GON4L: variants seen among roughly 807,000 people sequenced by gnomAD.
The protein encoded by GON4L is GON-4-like protein.
In GON4L, 87 loss-of-function variants were observed where a neutral mutation model predicts 211.8. That is an observed-to-expected ratio of 0.41 (90% confidence interval 0.35 to 0.49). The LOEUF (loss-of-function observed/expected upper bound fraction) is 0.49, where lower values mean the gene tolerates loss of function less well. Among genes scored for constraint, GON4L ranks in the 20% least tolerant of loss-of-function variants. The pLI, the probability that GON4L is intolerant of heterozygous loss-of-function variation, is 0.15. For missense variants in GON4L, 2,155 were observed against 2,659.5 expected, an observed-to-expected ratio of 0.81 and a Z score of 4.17; for synonymous variants, 875 against 962.6, an observed-to-expected ratio of 0.91 and a Z score of 1.68.
In GON4L at chr1:155,752,186, C is replaced by T; in HGVS notation, c.6247G>A (p.Ala2083Thr). 6.2e-7 allele frequency: 1 copy of T among 1,613,696 alleles called. No individual in the cohort carries two copies. Among genetic ancestry groups the T allele is most frequent in the Non-Finnish European group, 8.5e-7 (1 of 1,179,708 alleles). ...GTCCTGTCTCTTGTCTTCACCCGAG[C>T]TCTGCTTGAGGGCAGCCATCTCTCT... ...TQERWLPSSRARVKTRDRTCP... is the reference protein window; with the variant it reads ...TQERWLPSSRTRVKTRDRTCP... Residue 2083 changes from alanine (A) to threonine (T), a missense_variant, in exon 30 of 32, where the codon GCT becomes ACT. Coordinates refer to ENST00000368331, the MANE Select transcript of GON4L (RefSeq NM_001282860.2).
In GON4L at chr1:155,752,408, C is replaced by T; in HGVS notation, c.6025G>A (p.Ala2009Thr). 1 of 1,580,494 alleles carries T rather than the reference C, an allele frequency of 6.3e-7. No individual in the cohort carries two copies. The highest frequency in any genetic ancestry group is 8.6e-7 in the Non-Finnish European group (1 of 1,162,086). The change falls in exon 30 of 32, where the codon GCA (alanine) becomes ACA (threonine). Residue 2009 changes from alanine to threonine, a missense_variant. Ala to Thr is a moderately conservative substitution (Grantham distance 58). Transcript: ENST00000368331. Reference sequence around the variant, plus strand: ...CTCTCTTTCTGAAGTCTGGGGGATGCCTTGGGGCAGGAGCGAACCTCAGGC... The same window carrying T: ...CTCTCTTTCTGAAGTCTGGGGGATGTCTTGGGGCAGGAGCGAACCTCAGGC... ...VGPEVRSCPK[A>T]SPRLQKEREG...
intron 6 of GON4L, among the ~76,000 whole-genome samples, chr1:155,818,745 G>A (rs189727684): frequency 1.3e-5 from 2 of 152,306 alleles, no homozygotes; most frequent in Admixed American, 1.3e-4. Context: ...GCTCACGCCT[G>A]TAATCCTAGC....
intron 18 of GON4L, among the ~76,000 whole-genome samples, chr1:155,771,633 G>A (rs769789386): frequency 7.9e-5 from 12 of 151,886 alleles, no homozygotes; most frequent in Non-Finnish European, 1.2e-4. Flanking sequence ...CCACCATGCC[G>A]GGCTAATTTT....
chr1:155,751,716 T>G (rs199974551), intron 31 of GON4L, 51 bp downstream of exon 31: 3 of 1,196,300 alleles, frequency 2.5e-6, no homozygotes, highest in African/African-American at 1.5e-5. Flanking sequence ...TGTCTGTTAG[T>G]TGGCCACCTT....
intron 3 of GON4L, among the ~76,000 whole-genome samples, chr1:155,824,986 A>T (rs1405494669): frequency 1.3e-5 from 2 of 151,862 alleles, no homozygotes; most frequent in East Asian, 1.9e-4. Flanking sequence ...GTCTCTAAAA[A>T]AATAATAATA....
At chr1:155,844,695 C>T (rs1671070101) in intron 2 of GON4L, among the ~76,000 whole-genome samples, 1 of 152,078 alleles carries the variant, frequency 6.6e-6, no homozygotes, top group Non-Finnish European at 1.5e-5. Context: ...GAGGTTAAAG[C>T]TGCAGTGGGC....
At chr1:155,753,478 C>A in intron 28 of GON4L, 64 bp from the exon 29 acceptor site, 2 of 1,232,622 alleles carry the variant, frequency 1.6e-6, no homozygotes, top group Non-Finnish European at 2.3e-6. Flanking sequence ...TGGGGCCCAC[C>A]AAAGGAAGAA....
Position 155,822,428 on chromosome 1 carries a change from C to T in GON4L, c.746G>A (p.Gly249Asp). ...CCTTCCATCTCGTTTCCTCTTGGTA[C>T]CCTTTTTCTTTTTTCTCCTTTTCTC... ...ESEKRRKKKK[G>D]TKRKRDGRGQ... Residue 249 changes from glycine (G) to aspartate (D), a missense_variant, in exon 4 of 32, where the codon GGT becomes GAT. Transcript: ENST00000368331. 6.2e-7 allele frequency: 1 copy of T among 1,613,884 alleles called. No homozygotes were observed. The highest frequency in any genetic ancestry group is 1.3e-5 in the African/African-American group (1 of 75,016).
At chr1:155,782,469 T>C (rs1041240117) in intron 14 of GON4L, among the ~76,000 whole-genome samples, 1 of 152,174 alleles carries the variant, frequency 6.6e-6, no homozygotes, top group Admixed American at 6.5e-5. Context: ...TGTTATACCG[T>C]ATAGCCTAGG....
chr1:155,756,761 C>T (rs1661232370), intron 27 of GON4L, 197 bp downstream of exon 27: 3 of 536,978 alleles, frequency 5.6e-6, no homozygotes, highest in African/African-American at 1.9e-5. Context: ...TCCATCTCTA[C>T]TAAAAATACA....
chr1:155,815,898 A>G lies in GON4L; in HGVS notation c.1068T>C (p.Pro356=), dbSNP rs1274164236. The G allele has an allele frequency of 1.6e-5, 24 of 1,513,736 alleles. No homozygotes were observed. Among genetic ancestry groups the G allele is most frequent in the Non-Finnish European group, 2.0e-5 (22 of 1,088,818 alleles). 93.8% of individuals were successfully genotyped at this position (1,513,736 alleles called of 1,614,324 possible). The change falls in exon 8 of 32, where the codon CCT becomes CCC. Residue 356 remains proline (P), a splice_region_variant and synonymous_variant. Transcript: ENST00000368331. ...SPIKKANEIK[P]PQFVDIHLEE... is the part of the protein sequence containing the mutation. Reference sequence around the variant, plus strand: ...CAAGGTGGATATCCACAAACTGAGGAGGCTACATTAGTACAATTAGAAAGA... The same window carrying G: ...CAAGGTGGATATCCACAAACTGAGGGGGCTACATTAGTACAATTAGAAAGA...
intron 22 of GON4L, among the ~76,000 whole-genome samples, chr1:155,762,829 A>C (rs1464626975): frequency 6.6e-6 from 1 of 152,122 alleles, no homozygotes; most frequent in Non-Finnish European, 1.5e-5. Flanking sequence ...TAAGGTTAGG[A>C]GTTCGATACC....
intron 2 of GON4L, among the ~76,000 whole-genome samples, chr1:155,831,260 C>T (rs1178970877): frequency 6.6e-6 from 1 of 152,070 alleles, no homozygotes; most frequent in Non-Finnish European, 1.5e-5. Context: ...AATTGCACTG[C>T]TGTACTCCAG....
At chr1:155,745,830 T>C (rs1660237544), downstream of GON4L, 1 of 640,778 alleles carries the variant, frequency 1.6e-6, no homozygotes, top group African/African-American at 1.8e-5. Context: ...CAGCGCAGTA[T>C]GGCGGGCGGG....
At chr1:155,814,748 A>AAATG (rs67465498) in intron 8 of GON4L, among the ~76,000 whole-genome samples, 1 of 5,892 alleles carries the variant, frequency 1.7e-4, no homozygotes, top group Non-Finnish European at 5.7e-3. Context: ...TCTGTCTCAA[A>AAATG]AATAAATAAA....
At chr1:155,807,716 A>AAAAAAG (rs1667278587) in intron 10 of GON4L, among the ~76,000 whole-genome samples, 2 of 150,186 alleles carry the variant, frequency 1.3e-5, no homozygotes, top group Non-Finnish European at 3.0e-5. Context: ...AAAAAAAAAA[A>AAAAAAG]AAAAAAAAAG....
intron 6 of GON4L, among the ~76,000 whole-genome samples, chr1:155,818,881 C>T (rs764899145): frequency 6.6e-6 from 1 of 151,824 alleles, no homozygotes; most frequent in Non-Finnish European, 1.5e-5. Flanking sequence ...GCCTATAATC[C>T]CAGCTACTCA....
At chr1:155,827,856 A>G (rs1178382565) in intron 2 of GON4L, among the ~76,000 whole-genome samples, 1 of 151,976 alleles carries the variant, frequency 6.6e-6, no homozygotes, top group Non-Finnish European at 1.5e-5. Context: ...TAAAAATAAA[A>G]AATTAGGCTA....
chr1:155,831,722 G>C (rs1015016680), intron 2 of GON4L: 1 of 151,672 alleles, frequency 6.6e-6, no homozygotes, highest in African/African-American at 2.4e-5. Flanking sequence ...GGGTGTGGTG[G>C]TGCAGGTCTG....
Sources: gnomAD v4.1 joint callset for allele counts (sites outside exome capture counted in the v4.1 genomes callset) on GRCh38, gnomAD v4.1.1 for gene constraint, MANE v1.5 for transcripts, NCBI Gene and HGNC (gene_info 2026-07-23, HGNC 2026-07-21) for gene names.